Variants in PDE1A observed in about 807,000 individuals in gnomAD.
PDE1A encodes the protein phosphodiesterase 1A.
PDE1A carries 35 observed loss-of-function variants against 61.7 expected under a neutral mutation model. The ratio of observed to expected loss-of-function variants is 0.57; its 90% CI spans 0.43 to 0.75. The LOEUF is 0.75. Ranked by LOEUF, PDE1A falls within the 30% of genes least tolerant of loss-of-function variation. The probability of loss-of-function intolerance (pLI) is 0.00; values close to 1 mark genes in which losing one functional copy is unlikely to be tolerated. For missense variants in PDE1A, 597 were observed against 630.6 expected, an observed-to-expected ratio of 0.95 and a Z score of 0.57; for synonymous variants, 232 against 213.2, an observed-to-expected ratio of 1.09 and a Z score of -0.77.
chr2:182,292,316 T>C (rs1694591171), intron 1 of PDE1A, among the ~76,000 whole-genome samples: 1 of 152,050 alleles, frequency 6.6e-6, no homozygotes, highest in South Asian at 2.1e-4. Flanking sequence ...CAATTAAGCT[T>C]CTGAGAACCC....
At chr2:182,162,908 C>A (rs1342052640), downstream of PDE1A, among the ~76,000 whole-genome samples, 1 of 152,096 alleles carries the variant, frequency 6.6e-6, no homozygotes, top group African/African-American at 2.4e-5. Context: ...CATTGGTTCC[C>A]TAACTAGTGG....
intron 2 of PDE1A, among the ~76,000 whole-genome samples, chr2:182,247,071 G>A (rs776458193): frequency 7.9e-5 from 12 of 152,138 alleles, no homozygotes; most frequent in Non-Finnish European, 1.8e-4. Flanking sequence ...TGCTTATGCA[G>A]CAACAACATC....
chr2:182,704,552 C>T, the PDE1A span, among the ~76,000 whole-genome samples: 1 of 152,118 alleles, frequency 6.6e-6, no homozygotes, highest in Non-Finnish European at 1.5e-5. Flanking sequence ...GCTGTGTCTA[C>T]AAATATTTAC....
At chr2:182,557,748 A>G in the PDE1A span, among the ~76,000 whole-genome samples, 7 of 151,858 alleles carry the variant, frequency 4.6e-5, no homozygotes, top group Admixed American at 3.3e-4. Flanking sequence ...AATAAATAAA[A>G]TAAAAAAGTC....
the PDE1A span, among the ~76,000 whole-genome samples, chr2:182,603,146 A>C: frequency 6.6e-6 from 1 of 152,206 alleles, no homozygotes; most frequent in Non-Finnish European, 1.5e-5. Context: ...TCATAGAATG[A>C]CAAAAGTCCT....
chr2:182,253,681 T>A (rs1691570685), intron 2 of PDE1A, among the ~76,000 whole-genome samples: 2 of 152,140 alleles, frequency 1.3e-5, no homozygotes, highest in Non-Finnish European at 1.5e-5. Context: ...GGGGCTGATG[T>A]TGGTGTCCCC....
chr2:182,149,874 G>A (rs1690688185), intron 13 of PDE1A, among the ~76,000 whole-genome samples: 1 of 152,018 alleles, frequency 6.6e-6, no homozygotes, highest in African/African-American at 2.4e-5. Context: ...TGAAGCCTAT[G>A]GCCAGCTTTT....
the PDE1A span, among the ~76,000 whole-genome samples, chr2:182,654,050 G>A: frequency 1.3e-5 from 2 of 152,172 alleles, no homozygotes; most frequent in African/African-American, 2.4e-5. Flanking sequence ...CTATAAGAGT[G>A]TTAATAATAC....
the PDE1A span, among the ~76,000 whole-genome samples, chr2:182,635,268 A>C: frequency 6.6e-6 from 1 of 152,106 alleles, no homozygotes; most frequent in Non-Finnish European, 1.5e-5. Flanking sequence ...TACAAAGTTC[A>C]AAAAGATACA....
chr2:182,583,051 A>G, the PDE1A span, among the ~76,000 whole-genome samples: 1 of 152,138 alleles, frequency 6.6e-6, no homozygotes, highest in Non-Finnish European at 1.5e-5. Flanking sequence ...TTAGAACAGA[A>G]AAACCCCAAG....
upstream of PDE1A, among the ~76,000 whole-genome samples, chr2:182,523,628 T>G (rs1690688029): frequency 6.6e-6 from 1 of 152,210 alleles, no homozygotes; most frequent in Non-Finnish European, 1.5e-5. Context: ...ATTCAAAGAT[T>G]GGTAATAACA....
At chr2:182,486,560 G>A (rs1483339852) in intron 2 of PDE1A, among the ~76,000 whole-genome samples, 4 of 152,030 alleles carry the variant, frequency 2.6e-5, no homozygotes, top group Non-Finnish European at 5.9e-5. Context: ...TAAAGCTACA[G>A]TAATCAAGAC....
At chr2:182,528,740 G>T in the PDE1A span, among the ~76,000 whole-genome samples, 12 of 152,298 alleles carry the variant, frequency 7.9e-5, no homozygotes, top group African/African-American at 2.2e-4. Flanking sequence ...ACAGCCTAGG[G>T]ATTTCGTGCC....
the PDE1A span, among the ~76,000 whole-genome samples, chr2:182,696,911 A>G: frequency 6.6e-6 from 1 of 152,242 alleles, no homozygotes; most frequent in African/African-American, 2.4e-5. Flanking sequence ...ATAACAATAA[A>G]AAGACTCATA....
intron 1 of PDE1A, among the ~76,000 whole-genome samples, chr2:182,347,657 T>G (rs1698599832): frequency 6.6e-6 from 1 of 152,122 alleles, no homozygotes; most frequent in African/African-American, 2.4e-5. Flanking sequence ...ACAGGTGCCA[T>G]GCTAGATATT....
At chr2:182,479,960 G>A (rs1687605885) in intron 2 of PDE1A, among the ~76,000 whole-genome samples, 1 of 151,712 alleles carries the variant, frequency 6.6e-6, no homozygotes, top group Non-Finnish European at 1.5e-5. Context: ...TGTTTCATAT[G>A]GAGAACAAAA....
At chr2:182,212,318 A>G (rs975099874) in intron 7 of PDE1A, among the ~76,000 whole-genome samples, 2 of 152,026 alleles carry the variant, frequency 1.3e-5, no homozygotes, top group African/African-American at 4.8e-5. Context: ...AGGCTAATTA[A>G]CATATGTGTT....
chr2:182,549,390 AT>A, the PDE1A span, among the ~76,000 whole-genome samples: 1 of 152,150 alleles, frequency 6.6e-6, no homozygotes, highest in Non-Finnish European at 1.5e-5. Context: ...AACATAGGAA[AT>A]TAAAAAGTCA....
At chr2:182,488,512 T>C (rs948834296) in intron 2 of PDE1A, among the ~76,000 whole-genome samples, 3 of 152,192 alleles carry the variant, frequency 2.0e-5, no homozygotes, top group Non-Finnish European at 4.4e-5. Context: ...TGTTTTGTTA[T>C]GCCTTATTTC....
Sources: gnomAD v4.1 joint callset for allele counts (sites outside exome capture counted in the v4.1 genomes callset) on GRCh38, gnomAD v4.1.1 for gene constraint, MANE v1.5 for transcripts, NCBI Gene and HGNC (gene_info 2026-07-23, HGNC 2026-07-21) for gene names.